The following NALCN variants were observed in gnomAD, a reference collection of about 807,000 sequenced individuals.
NALCN encodes the protein sodium leak channel NALCN.
Under a neutral mutation model 225.3 loss-of-function variants are expected in NALCN, and 111 were observed. The ratio of observed to expected loss-of-function variants is 0.49; its 90% CI spans 0.42 to 0.58. NALCN has a LOEUF of 0.58. Among genes scored for constraint, NALCN ranks in the 20% least tolerant of loss-of-function variants. NALCN has a pLI of 0.00. For synonymous variants in NALCN, 764 were observed against 769.0 expected, an observed-to-expected ratio of 0.99 and a Z score of 0.11; for missense variants, 1,378 against 2,202.4, an observed-to-expected ratio of 0.63 and a Z score of 7.49.
intron 7 of NALCN, among the ~76,000 whole-genome samples, chr13:101,333,430 T>C (rs1450412395): frequency 1.3e-5 from 2 of 152,222 alleles, no homozygotes; most frequent in Non-Finnish European, 2.9e-5. Flanking sequence ...GAGTGAGAGC[T>C]GAGGGGTAGG....
rs527805369 is a variant in NALCN, at chr13:101,103,417, AC to A, written c.2890-79del. 63 of 1,484,446 alleles carry A rather than the reference AC, an allele frequency of 4.2e-5. 1 individual carries two copies. The South Asian group carries it at 7.4e-4, about 17-fold the overall frequency. 92.0% of individuals were successfully genotyped at this position (1,484,446 alleles called of 1,614,324 possible). ...TACATTTTCTGACAGCCGACTGGCC[AC>A]AACTTTTCATTTAGCAGAGATTCCA... On this transcript the variant is annotated intron_variant, in intron 25 of 43. Coordinates refer to ENST00000251127, the MANE Select transcript of NALCN (RefSeq NM_052867.4).
chr13:101,378,636 C>T lies in NALCN; in HGVS notation c.309G>A (p.Val103=). 1 of 1,610,028 alleles carries T rather than the reference C, an allele frequency of 6.2e-7. No individual in the cohort carries two copies. The highest frequency in any genetic ancestry group is 8.5e-7 in the Non-Finnish European group (1 of 1,177,738). ...CATCAAAAACACACCAGCGATCTTT[C>T]ACATAGGAACTATCCCCCTAAAAAT... ...RGIVKGDSSY[V]KDRWCVFDGF... Residue 103 remains valine (V), a synonymous_variant, in exon 4 of 44, where the codon GTG becomes GTA. Transcript: ENST00000251127.
intron 17 of NALCN, among the ~76,000 whole-genome samples, chr13:101,134,160 ACT>A (rs1445188998): frequency 6.6e-6 from 1 of 151,978 alleles, no homozygotes; most frequent in African/African-American, 2.4e-5. Context: ...ACAGAGCGAG[ACT>A]CTGTCTCAAA....
At position 101,340,830 on chromosome 13, in the gene NALCN, T is replaced by C. The variant is rs112340871; in HGVS notation, c.799+4436A>G. 7.2e-4 allele frequency among the ~76,000 whole-genome samples: 109 copies of C among 150,958 alleles called. 1 individual carries two copies. The highest frequency in any genetic ancestry group is 2.3e-3 in the African/African-American group (97 of 41,292). On this transcript the variant is annotated intron_variant, in intron 7 of 43. Coordinates refer to ENST00000251127, the MANE Select transcript of NALCN (RefSeq NM_052867.4). ...TGTTTGTTACTTTTCTTTTGAGAAC[T>C]ATTATCAAGATTTAGAAAGAATTGA...
chr13:101,166,852 C>A (rs1024845538), intron 15 of NALCN, among the ~76,000 whole-genome samples: 2 of 152,112 alleles, frequency 1.3e-5, no homozygotes, highest in African/African-American at 4.8e-5. Context: ...GGTTTTAGGT[C>A]TTTTGTTAAG....
intron 15 of NALCN, among the ~76,000 whole-genome samples, chr13:101,163,482 G>A (rs2038288310): frequency 6.6e-6 from 1 of 152,124 alleles, no homozygotes; most frequent in African/African-American, 2.4e-5. Flanking sequence ...ATGAAATTTT[G>A]GAAGGGCTTA....
chr13:101,404,248 T>C (rs58182025), intron 1 of NALCN, among the ~76,000 whole-genome samples: 3,253 of 152,268 alleles, frequency 0.021, 107 homozygotes, highest in East Asian at 0.11. Flanking sequence ...AGCAGTGGAT[T>C]CCCAACACGT....
intron 19 of NALCN, 66 bp from the exon 20 acceptor site, chr13:101,110,754 T>G (rs538422979): frequency 6.6e-7 from 1 of 1,516,226 alleles, no homozygotes. Context: ...GCAGTGACCA[T>G]GATAAAATCA....
intron 13 of NALCN, among the ~76,000 whole-genome samples, chr13:101,201,017 C>T (rs1208479444): frequency 2.0e-5 from 3 of 152,140 alleles, no homozygotes; most frequent in Non-Finnish European, 2.9e-5. Context: ...TATATAGTAC[C>T]ATCCCTTTGC....
Position 101,055,373 on chromosome 13 carries a change from A to C in NALCN, c.5139T>G (p.Gly1713=), listed in dbSNP as rs1238675875. 6.2e-7 allele frequency: 1 copy of C among 1,614,156 alleles called. No individual in the cohort carries two copies. Among genetic ancestry groups the C allele is most frequent in the South Asian group, 1.1e-5 (1 of 91,070 alleles). ...GGGTCCACCACTTCTTAACTTCAGA[A>C]CCGCAGGAAGCCGCGTCAGTCATGG... is the stretch of plus-strand genomic sequence containing the variant. The part of the protein sequence containing the change: ...MNPMTDAASC[G]SEVKKWWTRQ... The change falls in exon 44 of 44, where the codon GGT becomes GGG. Residue 1713 remains glycine, a synonymous_variant. Coordinates refer to ENST00000251127, the MANE Select transcript of NALCN (RefSeq NM_052867.4).
chr13:101,167,851 AC>A (rs1249237203), intron 15 of NALCN, among the ~76,000 whole-genome samples: 7 of 89,826 alleles, frequency 7.8e-5, no homozygotes, highest in Admixed American at 3.0e-4. Flanking sequence ...AAAAACAAAA[AC>A]AAAAACTGTT....
intron 10 of NALCN, among the ~76,000 whole-genome samples, chr13:101,259,732 G>GTATATATATA (rs35199456): frequency 0.2 from 23,125 of 118,392 alleles, 2,224 homozygotes; most frequent in Non-Finnish European, 0.26. Flanking sequence ...CATAGTAAGT[G>GTATATATATA]TATATATATA....
At chr13:101,183,931 G>C (rs2039346123) in intron 14 of NALCN, among the ~76,000 whole-genome samples, 1 of 152,086 alleles carries the variant, frequency 6.6e-6, no homozygotes, top group South Asian at 2.1e-4. Flanking sequence ...CTGTAAAAAA[G>C]AAAGCCAAAT....
intron 7 of NALCN, among the ~76,000 whole-genome samples, chr13:101,332,746 G>T (rs752951463): frequency 6.6e-6 from 1 of 152,188 alleles, no homozygotes; most frequent in Non-Finnish European, 1.5e-5. Context: ...TTGTTTCAGA[G>T]GTTAGACAAG....
intron 17 of NALCN, among the ~76,000 whole-genome samples, chr13:101,131,544 C>T (rs2036520969): frequency 6.6e-6 from 1 of 152,138 alleles, no homozygotes; most frequent in Admixed American, 6.5e-5. Flanking sequence ...TTGTCTGGAT[C>T]TGCTTTTATC....
chr13:101,219,092 G>A (rs1011998182), intron 13 of NALCN, among the ~76,000 whole-genome samples: 3 of 152,046 alleles, frequency 2.0e-5, no homozygotes, highest in Admixed American at 6.6e-5. Context: ...TCTGGGAGTT[G>A]GGATATCAAC....
intron 30 of NALCN, among the ~76,000 whole-genome samples, chr13:101,086,048 C>T (rs1333590235): frequency 3.3e-5 from 5 of 151,970 alleles, no homozygotes; most frequent in Non-Finnish European, 7.4e-5. Flanking sequence ...TTGTAGCTTA[C>T]TTTCTTGTTT....
intron 22 of NALCN, 93 bp downstream of exon 22, chr13:101,107,394 T>C: frequency 6.3e-6 from 10 of 1,584,434 alleles, no homozygotes; most frequent in Non-Finnish European, 8.6e-6. Flanking sequence ...TGTGACCCCA[T>C]TAGGATTACA....
chr13:101,261,558 T>G (rs955295195), intron 10 of NALCN, among the ~76,000 whole-genome samples: 2 of 152,208 alleles, frequency 1.3e-5, no homozygotes, highest in Non-Finnish European at 2.9e-5. Context: ...ATTATGGAGA[T>G]CCTTCAATTT....
Sources: allele counts gnomAD v4.1 joint callset (sites outside exome capture counted in the v4.1 genomes callset), GRCh38; gene constraint gnomAD v4.1.1; transcripts MANE v1.5; gene names NCBI Gene and HGNC (gene_info 2026-07-23, HGNC 2026-07-21).